NRXN1: variants seen among roughly 807,000 people sequenced by gnomAD.
NRXN1 encodes the protein neurexin 1.
Under a neutral mutation model 150.9 loss-of-function variants are expected in NRXN1, and 39 were observed. That is an observed-to-expected ratio of 0.26 (90% CI 0.20 to 0.34). NRXN1 has a LOEUF of 0.34. Among genes scored for constraint, NRXN1 ranks in the 10% least tolerant of loss-of-function variants. NRXN1 has a pLI of 1.00. For missense variants in NRXN1, 1,815 were observed against 1,949.9 expected (o/e 0.93, Z 1.30); for synonymous variants, 924 against 757.0 (o/e 1.22, Z -3.62).
At chr2:50,909,911 A>T (rs973272343) in intron 5 of NRXN1, among the ~76,000 whole-genome samples, 3 of 152,000 alleles carry the variant, frequency 2.0e-5, no homozygotes, top group Non-Finnish European at 4.4e-5. Flanking sequence ...TAATCAAAGA[A>T]ATTTAAAAAT....
At chr2:50,300,017 C>T (rs546996267) in intron 17 of NRXN1, among the ~76,000 whole-genome samples, 1 of 152,066 alleles carries the variant, frequency 6.6e-6, no homozygotes, top group Non-Finnish European at 1.5e-5. Context: ...TATTTATCAT[C>T]TAATCCTGAA....
At chr2:49,989,671 T>C (rs1681581074) in intron 21 of NRXN1, among the ~76,000 whole-genome samples, 1 of 152,138 alleles carries the variant, frequency 6.6e-6, no homozygotes. Context: ...AAACAGGACT[T>C]TGTTCTGTAC....
chr2:50,416,734 A>G (rs1006173599), intron 17 of NRXN1, among the ~76,000 whole-genome samples: 6 of 152,054 alleles, frequency 3.9e-5, no homozygotes, highest in Admixed American at 2.6e-4. Context: ...AAGAGGGAAA[A>G]GCCCCTTATA....
chr2:50,048,577 C>A (rs1458144376), intron 21 of NRXN1, among the ~76,000 whole-genome samples: 1 of 152,050 alleles, frequency 6.6e-6, no homozygotes, highest in Non-Finnish European at 1.5e-5. Context: ...TTCATGAGTA[C>A]CTCCAAAGCC....
rs776382029 is a variant in NRXN1, at chr2:51,027,953, C to T, written c.321G>A (p.Thr107=). The T allele has an allele frequency of 6.9e-6, 11 of 1,602,962 alleles. No individual in the cohort carries two copies. Among genetic ancestry groups the T allele is most frequent in the Non-Finnish European group, 9.3e-6 (11 of 1,179,530 alleles). Residue 107 remains threonine, a synonymous_variant, in exon 2 of 23, where the codon ACG becomes ACA. Coordinates refer to ENST00000401669, the MANE Select transcript of NRXN1 (RefSeq NM_001330078.2). Reference sequence around the variant, plus strand: ...TGTGCCAGGCGCCGTCGTTAACCGGCGTGTCGGCCAGGAGCGTCGCAGGCT... The same window carrying T: ...TGTGCCAGGCGCCGTCGTTAACCGGTGTGTCGGCCAGGAGCGTCGCAGGCT... ...CAEPATLLAD[T]PVNDGAWHSV...
intron 5 of NRXN1, among the ~76,000 whole-genome samples, chr2:50,881,352 G>C (rs1313199010): frequency 1.3e-5 from 2 of 151,860 alleles, no homozygotes; most frequent in African/African-American, 4.8e-5. Context: ...CCTTGTTCCA[G>C]CTTTCCTAAA....
At chr2:50,336,414 T>G (rs971043725) in intron 17 of NRXN1, among the ~76,000 whole-genome samples, 1 of 152,252 alleles carries the variant, frequency 6.6e-6, no homozygotes, top group African/African-American at 2.4e-5. Context: ...ATTTGATTTT[T>G]AAAATCTTCA....
At chr2:50,544,102 A>G (rs1367025214) in intron 9 of NRXN1, among the ~76,000 whole-genome samples, 2 of 152,088 alleles carry the variant, frequency 1.3e-5, no homozygotes, top group Non-Finnish European at 2.9e-5. Context: ...ATTAATGTCA[A>G]TTTTATCTAT....
chr2:50,397,443 G>A (rs1254892989), intron 17 of NRXN1, among the ~76,000 whole-genome samples: 1 of 152,034 alleles, frequency 6.6e-6, no homozygotes. Flanking sequence ...GCTTGCATAC[G>A]TTGGCTCCTT....
chr2:50,632,023 A>G (rs1280160886), intron 5 of NRXN1, among the ~76,000 whole-genome samples: 2 of 152,026 alleles, frequency 1.3e-5, no homozygotes, highest in Non-Finnish European at 2.9e-5. Context: ...ATTACTTAAT[A>G]AATAAGTAAA....
At chr2:50,683,466 A>T (rs1690718677) in intron 5 of NRXN1, among the ~76,000 whole-genome samples, 1 of 148,638 alleles carries the variant, frequency 6.7e-6, no homozygotes, top group Admixed American at 6.8e-5. Context: ...CCCCGTCTCT[A>T]CTAAAAATAC....
chr2:50,346,193 G>A lies in NRXN1; in HGVS notation c.3365-109223C>T, dbSNP rs2077950545. 6.6e-6 allele frequency among the ~76,000 whole-genome samples: 1 copy of A among 152,192 alleles called. No homozygotes were observed. The highest frequency in any genetic ancestry group is 1.5e-5 in the Non-Finnish European group (1 of 68,036). ...GCTTCGCTGTCACTGCAGTCTGGGCGCACTTTGGAGGAATGTGCGGGCTGG... is the reference window on the plus strand; with the variant it reads ...GCTTCGCTGTCACTGCAGTCTGGGCACACTTTGGAGGAATGTGCGGGCTGG... On this transcript the variant is annotated intron_variant, in intron 17 of 22. Transcript: ENST00000401669. The surrounding 1 kb of genome is among the most constrained non-coding windows in gnomAD (Gnocchi z 5.0).
intron 18 of NRXN1, among the ~76,000 whole-genome samples, chr2:50,227,150 A>G (rs1321891371): frequency 5.2e-5 from 7 of 133,604 alleles, no homozygotes; most frequent in Non-Finnish European, 9.6e-5. Flanking sequence ...ATGCAAGAGT[A>G]CACAAAGACG....
chr2:50,015,233 C>T (rs112212969), intron 21 of NRXN1, among the ~76,000 whole-genome samples: 1,588 of 152,122 alleles, frequency 0.01, 25 homozygotes, highest in African/African-American at 0.037. Flanking sequence ...ACTGTCCTAA[C>T]ACAAGGGGAC....
At chr2:50,126,681 G>A (rs1293793661) in intron 18 of NRXN1, among the ~76,000 whole-genome samples, 1 of 151,920 alleles carries the variant, frequency 6.6e-6, no homozygotes, top group East Asian at 1.9e-4. Context: ...TTCTTCAAGA[G>A]AACATCTCAT....
intron 19 of NRXN1, among the ~76,000 whole-genome samples, chr2:50,087,950 C>T (rs1699030691): frequency 6.6e-6 from 1 of 152,132 alleles, no homozygotes; most frequent in South Asian, 2.1e-4. Context: ...AAGTGCTATA[C>T]TAATTACTAA....
chr2:50,165,408 G>A (rs933528999), intron 18 of NRXN1, among the ~76,000 whole-genome samples: 1 of 152,110 alleles, frequency 6.6e-6, no homozygotes, highest in African/African-American at 2.4e-5. Context: ...GAGTGCAGTG[G>A]CGCAATCTCA....
At chr2:50,994,323 G>A (rs1317589703) in intron 2 of NRXN1, among the ~76,000 whole-genome samples, 4 of 151,728 alleles carry the variant, frequency 2.6e-5, no homozygotes, top group Non-Finnish European at 5.9e-5. Flanking sequence ...ATCTCACCTT[G>A]CATTTTTCAA....
At chr2:50,612,026 A>T (rs982748449) in intron 8 of NRXN1, among the ~76,000 whole-genome samples, 1 of 152,200 alleles carries the variant, frequency 6.6e-6, no homozygotes, top group African/African-American at 2.4e-5. Flanking sequence ...CTTTATAAAA[A>T]TACTGAGAAT....
Sources: allele counts gnomAD v4.1 joint callset (sites outside exome capture counted in the v4.1 genomes callset), GRCh38; gene constraint gnomAD v4.1.1; non-coding constraint Gnocchi (gnomAD v3.1); transcripts MANE v1.5; gene names NCBI Gene and HGNC (gene_info 2026-07-23, HGNC 2026-07-21).